Variants in DIP2B observed in about 807,000 individuals in gnomAD.
The protein encoded by DIP2B is disco-interacting protein 2 homolog B.
In DIP2B, 76 loss-of-function variants were observed where a neutral mutation model predicts 198.0. That is an observed-to-expected ratio of 0.38 (90% confidence interval 0.32 to 0.46). The LOEUF (loss-of-function observed/expected upper bound fraction) is 0.46. Ranked by LOEUF, DIP2B falls within the 20% of genes least tolerant of loss-of-function variation. The probability of loss-of-function intolerance (pLI) is 0.99; values close to 1 mark genes in which losing one functional copy is unlikely to be tolerated. For synonymous variants in DIP2B, 701 were observed against 739.1 expected, an observed-to-expected ratio of 0.95 and a Z score of 0.84; for missense variants, 1,559 against 1,978.4, an observed-to-expected ratio of 0.79 and a Z score of 4.02.
At chr12:50,734,251 C>G (rs182971005) in intron 33 of DIP2B, 55 bp downstream of exon 33, 2 of 1,580,002 alleles carry the variant, frequency 1.3e-6, no homozygotes, top group Non-Finnish European at 8.7e-7. Context: ...ATAACAAATT[C>G]GGAACCTCAA....
At chr12:50,690,761 C>T (rs1056583665) in intron 12 of DIP2B, among the ~76,000 whole-genome samples, 1 of 152,140 alleles carries the variant, frequency 6.6e-6, no homozygotes, top group Non-Finnish European at 1.5e-5. Flanking sequence ...ATTCATATAG[C>T]TCCAATCACT....
chr12:50,614,304 C>T (rs1326605884), intron 1 of DIP2B, among the ~76,000 whole-genome samples: 1 of 152,172 alleles, frequency 6.6e-6, no homozygotes, highest in Non-Finnish European at 1.5e-5. Context: ...CTCCTGGTCT[C>T]CCCACTGTGT....
intron 1 of DIP2B, among the ~76,000 whole-genome samples, chr12:50,544,172 G>A (rs1390754473): frequency 3.3e-5 from 5 of 150,586 alleles, no homozygotes; most frequent in African/African-American, 1.2e-4. Flanking sequence ...AGATTGCAGT[G>A]AGATCATGCC....
chr12:50,655,605 T>A (rs1447264136), intron 3 of DIP2B, among the ~76,000 whole-genome samples: 1 of 152,256 alleles, frequency 6.6e-6, no homozygotes, highest in Non-Finnish European at 1.5e-5. Context: ...TTTAACTATA[T>A]GTCCTCAGTC....
chr12:50,640,247 A>T (rs1938230970), intron 2 of DIP2B, among the ~76,000 whole-genome samples: 1 of 152,144 alleles, frequency 6.6e-6, no homozygotes, highest in Non-Finnish European at 1.5e-5. Flanking sequence ...GTATGGGGAC[A>T]GGGTAGGGTC....
intron 4 of DIP2B, among the ~76,000 whole-genome samples, chr12:50,665,453 T>A (rs1938733524): frequency 6.6e-6 from 1 of 152,116 alleles, no homozygotes; most frequent in Non-Finnish European, 1.5e-5. Context: ...ATTTAGAAAA[T>A]TCTATTTACT....
intron 4 of DIP2B, among the ~76,000 whole-genome samples, chr12:50,660,665 A>G (rs1302108702): frequency 2.0e-5 from 3 of 152,166 alleles, no homozygotes; most frequent in Non-Finnish European, 2.9e-5. Context: ...TTGTCACCCA[A>G]TATACTACTT....
intron 25 of DIP2B, among the ~76,000 whole-genome samples, chr12:50,721,031 AC>A (rs1303049653): frequency 6.6e-6 from 1 of 150,418 alleles, no homozygotes; most frequent in African/African-American, 2.5e-5. Flanking sequence ...CTTGTCTTGA[AC>A]TCCTGGGCTC....
chr12:50,546,151 G>A (rs759565182), intron 1 of DIP2B, among the ~76,000 whole-genome samples: 13 of 152,206 alleles, frequency 8.5e-5, no homozygotes, highest in Non-Finnish European at 1.6e-4. Flanking sequence ...GATGGAGACA[G>A]CTTATTGTAT....
chr12:50,643,973 G>A (rs1353010692), intron 3 of DIP2B, among the ~76,000 whole-genome samples: 1 of 152,230 alleles, frequency 6.6e-6, no homozygotes, highest in Admixed American at 6.5e-5. Flanking sequence ...TGATGGCTAT[G>A]TAAGAAGGAT....
intron 35 of DIP2B, among the ~76,000 whole-genome samples, chr12:50,738,143 C>T (rs767524688): frequency 6.6e-5 from 10 of 151,810 alleles, no homozygotes; most frequent in Non-Finnish European, 1.0e-4. Context: ...AGATCGAGAC[C>T]ATCCTGGCCA....
chr12:50,622,318 T>A (rs1937829422), intron 1 of DIP2B, among the ~76,000 whole-genome samples: 1 of 152,244 alleles, frequency 6.6e-6, no homozygotes, highest in Non-Finnish European at 1.5e-5. Context: ...AATTATTTTT[T>A]AACAAAAATT....
At chr12:50,555,357 C>T (rs1958461405) in intron 1 of DIP2B, among the ~76,000 whole-genome samples, 1 of 152,180 alleles carries the variant, frequency 6.6e-6, no homozygotes, top group South Asian at 2.1e-4. Context: ...ACCTTCCCAT[C>T]CCTACCCTGT....
At chr12:50,743,296 T>C (rs1348401424) in intron 37 of DIP2B, among the ~76,000 whole-genome samples, 1 of 152,184 alleles carries the variant, frequency 6.6e-6, no homozygotes, top group Non-Finnish European at 1.5e-5. Context: ...TTGGCCAGGC[T>C]AGTCTTGAAT....
At chr12:50,742,243 T>TA (rs922436618) in intron 37 of DIP2B, among the ~76,000 whole-genome samples, 8 of 150,680 alleles carry the variant, frequency 5.3e-5, no homozygotes, top group African/African-American at 1.7e-4. Context: ...ACAAAAAAAT[T>TA]AAAAAAATAG....
intron 1 of DIP2B, among the ~76,000 whole-genome samples, chr12:50,567,514 A>G (rs1958576344): frequency 6.7e-6 from 1 of 150,058 alleles, no homozygotes; most frequent in Non-Finnish European, 1.5e-5. Context: ...CATGGCTATA[A>G]TAACCGCTTT....
chr12:50,603,176 AT>A (rs1361638340), intron 1 of DIP2B, among the ~76,000 whole-genome samples: 73 of 151,418 alleles, frequency 4.8e-4, no homozygotes, highest in African/African-American at 1.3e-3. Context: ...AAAAAAAAAA[AT>A]AATAATATTT....
At position 50,692,666 on chromosome 12, in the gene DIP2B, C is replaced by A. The variant is rs999843854; in HGVS notation, c.1655-283C>A. On this transcript the variant is annotated intron_variant, in intron 13 of 37. Transcript: ENST00000301180. ...CAGCCTGGCCAACCTGGTGAAACTC[C>A]CTCTCTACTAAAAATACAAAATTAG... Among the ~76,000 whole-genome samples, 6 of 152,018 alleles carry A rather than the reference C, an allele frequency of 3.9e-5. No individual in the cohort carries two copies. In the East Asian group the frequency reaches 1.2e-3, roughly 29 times the overall value.
At chr12:50,582,545 C>A (rs1958735224) in intron 1 of DIP2B, among the ~76,000 whole-genome samples, 1 of 152,154 alleles carries the variant, frequency 6.6e-6, no homozygotes, top group Non-Finnish European at 1.5e-5. Flanking sequence ...AAAATAAATA[C>A]TGGCTCCATC....
Sources: allele counts gnomAD v4.1 joint callset (sites outside exome capture counted in the v4.1 genomes callset), GRCh38; gene constraint gnomAD v4.1.1; transcripts MANE v1.5; gene names NCBI Gene and HGNC (gene_info 2026-07-23, HGNC 2026-07-21).